Variants in CNTN3 observed in about 807,000 individuals in gnomAD.
CNTN3 encodes contactin 3, also known as contactin-3.
In CNTN3, 60 loss-of-function variants were observed where a neutral mutation model predicts 119.1. The ratio of observed to expected loss-of-function variants is 0.50; its 90% CI spans 0.41 to 0.62. CNTN3 has a LOEUF of 0.62. Ranked by LOEUF, CNTN3 falls within the 20% of genes least tolerant of loss-of-function variation. CNTN3 has a pLI of 0.00. For missense variants in CNTN3, 1,101 were observed against 1,242.4 expected (o/e 0.89, Z 1.71); for synonymous variants, 450 against 438.7 (o/e 1.03, Z -0.32).
chr3:74,368,928 G>GA (rs1464263425), intron 8 of CNTN3, among the ~76,000 whole-genome samples: 2 of 151,374 alleles, frequency 1.3e-5, no homozygotes, highest in Admixed American at 6.6e-5. Flanking sequence ...TTATTCTTAG[G>GA]AAAAAAATAT....
intron 4 of CNTN3, among the ~76,000 whole-genome samples, chr3:74,470,524 T>C (rs1033614136): frequency 6.6e-6 from 1 of 152,000 alleles, no homozygotes; most frequent in Non-Finnish European, 1.5e-5. Flanking sequence ...GCTGTCACAG[T>C]CAGACCTGGG....
chr3:74,272,475 A>C (rs529904226), intron 20 of CNTN3, among the ~76,000 whole-genome samples: 1 of 152,330 alleles, frequency 6.6e-6, no homozygotes, highest in East Asian at 1.9e-4. Flanking sequence ...ATGTTTCTTC[A>C]GAGCTTACAA....
intron 1 of CNTN3, among the ~76,000 whole-genome samples, chr3:74,530,946 C>G (rs938273583): frequency 6.6e-6 from 1 of 151,880 alleles, no homozygotes; most frequent in Non-Finnish European, 1.5e-5. Context: ...CTAGCAAGTC[C>G]AAAGTGACAT....
chr3:74,500,762 A>G (rs1703153322), intron 2 of CNTN3, among the ~76,000 whole-genome samples: 1 of 152,110 alleles, frequency 6.6e-6, no homozygotes, highest in Non-Finnish European at 1.5e-5. Flanking sequence ...ATAAAGTAAC[A>G]ATATGATTAA....
Position 74,313,980 on chromosome 3 carries a change from T to C in CNTN3, c.1669-11173A>G, listed in dbSNP as rs573971198. On this transcript the variant is annotated intron_variant, in intron 13 of 22. Transcript: ENST00000263665. Reference sequence around the variant, plus strand: ...GCCAAGCAGTACCCATTTCAAAATATGTCAAATAAATATATGTTGGGGAAA... The same window carrying C: ...GCCAAGCAGTACCCATTTCAAAATACGTCAAATAAATATATGTTGGGGAAA... Among the ~76,000 whole-genome samples, 6 of 152,318 alleles carry C rather than the reference T, an allele frequency of 3.9e-5. No homozygotes were observed. The East Asian group carries it at 1.2e-3, about 29-fold the overall frequency.
At chr3:74,388,006 G>A (rs1370931416) in intron 5 of CNTN3, among the ~76,000 whole-genome samples, 1 of 152,180 alleles carries the variant, frequency 6.6e-6, no homozygotes, top group Non-Finnish European at 1.5e-5. Context: ...CTAGGTTAAA[G>A]GGGAAATGTT....
At chr3:74,480,518 G>A (rs1165384429) in intron 4 of CNTN3, among the ~76,000 whole-genome samples, 1 of 151,716 alleles carries the variant, frequency 6.6e-6, no homozygotes, top group Non-Finnish European at 1.5e-5. Context: ...ATCAGTAAGC[G>A]GCAATATAGG....
At chr3:74,303,785 T>C (rs1396759280) in intron 13 of CNTN3, among the ~76,000 whole-genome samples, 1 of 152,178 alleles carries the variant, frequency 6.6e-6, no homozygotes, top group African/African-American at 2.4e-5. Context: ...CAATTATATT[T>C]CTAAAAGCTC....
chr3:74,363,287 G>C (rs1704117083), intron 10 of CNTN3, among the ~76,000 whole-genome samples: 1 of 152,138 alleles, frequency 6.6e-6, no homozygotes, highest in Admixed American at 6.5e-5. Flanking sequence ...AGAGATGAGA[G>C]AGCCCATTAA....
chr3:74,338,079 T>C (rs1235621344), intron 11 of CNTN3, among the ~76,000 whole-genome samples: 1 of 152,130 alleles, frequency 6.6e-6, no homozygotes, highest in African/African-American at 2.4e-5. Context: ...AGTGTCTTTA[T>C]CTTTTATGGC....
At chr3:74,329,308 T>C (rs1703206515) in intron 13 of CNTN3, among the ~76,000 whole-genome samples, 2 of 152,328 alleles carry the variant, frequency 1.3e-5, no homozygotes, top group East Asian at 1.9e-4. Flanking sequence ...TGGTTGTCAC[T>C]GCTCAAGTTT....
chr3:74,612,006 G>C (rs1705090256), intron 1 of CNTN3, among the ~76,000 whole-genome samples: 1 of 152,134 alleles, frequency 6.6e-6, no homozygotes, highest in Admixed American at 6.5e-5. Flanking sequence ...AAGCTTCTCT[G>C]TTTTGTAGTA....
chr3:74,563,388 G>A (rs151176898), intron 1 of CNTN3, among the ~76,000 whole-genome samples: 47 of 152,242 alleles, frequency 3.1e-4, no homozygotes, highest in Non-Finnish European at 4.6e-4. Context: ...AATGGCATAC[G>A]TGGTAGGATC....
At chr3:74,367,556 T>C (rs1420845086) in intron 8 of CNTN3, among the ~76,000 whole-genome samples, 1 of 151,954 alleles carries the variant, frequency 6.6e-6, no homozygotes, top group Non-Finnish European at 1.5e-5. Flanking sequence ...CTTCTAGATG[T>C]TTTGGAGAAA....
intron 4 of CNTN3, among the ~76,000 whole-genome samples, chr3:74,433,920 T>G (rs925354326): frequency 6.6e-6 from 1 of 152,244 alleles, no homozygotes; most frequent in Non-Finnish European, 1.5e-5. Flanking sequence ...ATTAGAGCCT[T>G]GTCATTTTCA....
At chr3:74,270,631 T>C (rs1225766652) in intron 20 of CNTN3, among the ~76,000 whole-genome samples, 1 of 152,166 alleles carries the variant, frequency 6.6e-6, no homozygotes, top group Non-Finnish European at 1.5e-5. Flanking sequence ...TGGAGTCAAG[T>C]AGTGAATTAG....
At chr3:74,450,255 A>G (rs1212450174) in intron 4 of CNTN3, among the ~76,000 whole-genome samples, 1 of 152,100 alleles carries the variant, frequency 6.6e-6, no homozygotes, top group Non-Finnish European at 1.5e-5. Context: ...AAATTTTTTT[A>G]ATCTTGCAGT....
At chr3:74,595,684 A>G (rs868249060) in intron 1 of CNTN3, among the ~76,000 whole-genome samples, 398 of 152,128 alleles carry the variant, frequency 2.6e-3, no homozygotes, top group African/African-American at 9.0e-3. Context: ...TTGATGGGAC[A>G]TATCTCAAAA....
At chr3:74,442,000 G>A (rs7432673) in intron 4 of CNTN3, among the ~76,000 whole-genome samples, 68,515 of 151,674 alleles carry the variant, frequency 0.45, 15,542 homozygotes, top group East Asian at 0.57. Flanking sequence ...ACATACTGAG[G>A]TAGAAGGCTT....
Sources: allele counts gnomAD v4.1 joint callset (sites outside exome capture counted in the v4.1 genomes callset), GRCh38; gene constraint gnomAD v4.1.1; transcripts MANE v1.5; gene names NCBI Gene and HGNC (gene_info 2026-07-23, HGNC 2026-07-21).